The following ELMOD1 variants were observed in gnomAD, a reference collection of about 807,000 sequenced individuals.
The protein encoded by ELMOD1 is ELMO domain containing 1.
ELMOD1 carries 21 observed loss-of-function variants against 46.7 expected under a neutral mutation model. The observed-to-expected ratio is 0.45, with a 90% CI of 0.32 to 0.65. The LOEUF is 0.65. Ranked by LOEUF, ELMOD1 falls within the 30% of genes least tolerant of loss-of-function variation. The pLI is 0.04. For synonymous variants in ELMOD1, 122 were observed against 138.2 expected, an observed-to-expected ratio of 0.88 and a Z score of 0.82; for missense variants, 348 against 407.8, an observed-to-expected ratio of 0.85 and a Z score of 1.26.
At chr11:107,597,774 C>A (rs1865518156) in intron 1 of ELMOD1, among the ~76,000 whole-genome samples, 1 of 152,132 alleles carries the variant, frequency 6.6e-6, no homozygotes, top group African/African-American at 2.4e-5. Context: ...AAAATAGGTG[C>A]ATCTGCTCTG....
chr11:107,635,716 G>C lies in ELMOD1; in HGVS notation c.371G>C (p.Arg124Thr). ...NLIADVEKLR[R>T]EAYDSDNPQH... is the part of the protein sequence containing the mutation. ...ATTGCAGATGTGGAAAAACTGCGTA[G>C]AGAGGCCTATGATTCTGATAATCCC... Residue 124 changes from arginine (R) to threonine (T), a missense_variant, in exon 6 of 12, where the codon AGA (arginine) becomes ACA (threonine). By Grantham distance (71) the Arg-to-Thr change is moderately conservative (BLOSUM62 -1). Transcript: ENST00000265840. 1 of 1,613,920 alleles carries C rather than the reference G, an allele frequency of 6.2e-7. No individual in the cohort carries two copies. Among genetic ancestry groups the C allele is most frequent in the Non-Finnish European group, 8.5e-7 (1 of 1,179,864 alleles).
At chr11:107,637,941 C>T (rs968149145) in intron 6 of ELMOD1, among the ~76,000 whole-genome samples, 1 of 152,110 alleles carries the variant, frequency 6.6e-6, no homozygotes, top group African/African-American at 2.4e-5. Flanking sequence ...CTAGAAACTT[C>T]AGGCTATGTC....
intron 2 of ELMOD1, among the ~76,000 whole-genome samples, chr11:107,630,043 C>T (rs1866108713): frequency 6.6e-6 from 1 of 152,128 alleles, no homozygotes; most frequent in South Asian, 2.1e-4. Flanking sequence ...AAGAGGAGAG[C>T]ATGTTCTTCC....
chr11:107,618,195 G>A lies in ELMOD1; in HGVS notation c.6G>A (p.Lys2=). Residue 2 remains lysine (K), a synonymous_variant, in exon 2 of 12, where the codon AAG becomes AAA. Coordinates refer to ENST00000265840, the MANE Select transcript of ELMOD1 (RefSeq NM_018712.4). ...GGACAGTCAACACGGGCACCATGAA[G>A]CACTTCCTGAGGTATGTGTTTACGG... M[K]HFLRMLIQVC... is the part of the protein sequence containing the mutation. The A allele has an allele frequency of 6.4e-7, 1 of 1,566,822 alleles. No homozygotes were observed. Among genetic ancestry groups the A allele is most frequent in the Non-Finnish European group, 8.7e-7 (1 of 1,154,814 alleles).
chr11:107,594,688 TAGTC>T (rs1330334667), intron 1 of ELMOD1, among the ~76,000 whole-genome samples: 4 of 152,238 alleles, frequency 2.6e-5, no homozygotes, highest in Admixed American at 6.5e-5. Flanking sequence ...TGCCGATCAA[TAGTC>T]AGTTTCTTCT....
At chr11:107,608,189 T>C (rs940550215) in intron 1 of ELMOD1, among the ~76,000 whole-genome samples, 1 of 152,106 alleles carries the variant, frequency 6.6e-6, no homozygotes, top group African/African-American at 2.4e-5. Context: ...TTTCTCCTAC[T>C]GGTGTTATGG....
At chr11:107,646,803 AG>A (rs1227458629) in intron 6 of ELMOD1, among the ~76,000 whole-genome samples, 2 of 152,024 alleles carry the variant, frequency 1.3e-5, no homozygotes, top group Admixed American at 6.5e-5. Flanking sequence ...TGCTGCTAAA[AG>A]TTTTGATATA....
In ELMOD1 at chr11:107,591,154, T is replaced by A. The variant is rs1324849939; in HGVS notation, c.-341T>A. 6.5e-6 allele frequency: 1 copy of A among 152,710 alleles called. No homozygotes were observed. Among genetic ancestry groups the A allele is most frequent in the Non-Finnish European group, 1.4e-5 (1 of 68,978 alleles). The allele number at this position is 152,710 out of a possible 1,614,324, so 9.5% of individuals were successfully genotyped here. A position where few individuals can be genotyped will look rare whatever the true frequency, so the allele number is the denominator to read the frequency against. The stretch of plus-strand genomic sequence containing the variant: ...CCCTCCCCCGCTGCTCTCGGTCGCC[T>A]CCTCGCCGCCAGCCGCCCCGGGTGC... On this transcript the variant is annotated 5_prime_UTR_variant, in exon 1 of 12. Coordinates refer to ENST00000265840, the MANE Select transcript of ELMOD1 (RefSeq NM_018712.4).
At chr11:107,656,979 T>C (rs1288670059) in intron 11 of ELMOD1, among the ~76,000 whole-genome samples, 5 of 152,082 alleles carry the variant, frequency 3.3e-5, no homozygotes, top group Admixed American at 3.3e-4. Flanking sequence ...GCCAGAAAAA[T>C]AGTGGTGAAA....
intron 6 of ELMOD1, among the ~76,000 whole-genome samples, chr11:107,644,804 C>T (rs939240828): frequency 3.9e-5 from 6 of 152,096 alleles, no homozygotes; most frequent in Non-Finnish European, 7.4e-5. Context: ...TGTGCAGGGC[C>T]CTGAGATGAC....
rs1211060655 is a variant in ELMOD1 at position 107,650,911 on chromosome 11, AT to A, written c.647+9del. ...GATATCACTAAAGAAGAAATAAGGT[AT>A]TTTTTCTTTGTTTTTGTGTTTTATT... On this transcript the variant is annotated splice_donor_region_variant and intron_variant, in intron 9 of 11. Transcript: ENST00000265840. The A allele has an allele frequency of 1.8e-6, 2 of 1,121,390 alleles. No homozygotes were observed. Among genetic ancestry groups the A allele is most frequent in the African/African-American group, 3.3e-5 (2 of 60,136 alleles). The allele number at this position is 1,121,390 out of a possible 1,614,324, so 69.5% of individuals were successfully genotyped here.
intron 6 of ELMOD1, among the ~76,000 whole-genome samples, chr11:107,637,493 GA>G (rs1866249181): frequency 6.6e-6 from 1 of 152,130 alleles, no homozygotes; most frequent in South Asian, 2.1e-4. Flanking sequence ...AGGAGTTCAA[GA>G]CCAGCCTGGC....
intron 1 of ELMOD1, chr11:107,592,364 T>A: frequency 1.9e-6 from 1 of 534,422 alleles, no homozygotes; most frequent in Non-Finnish European, 3.8e-6. Context: ...ATTGGTACTA[T>A]CAATTGAGTC....
intron 6 of ELMOD1, among the ~76,000 whole-genome samples, chr11:107,640,637 C>A (rs904768893): frequency 2.6e-5 from 4 of 152,022 alleles, no homozygotes; most frequent in South Asian, 2.1e-4. Flanking sequence ...TTCAAAATAA[C>A]CTTTTTAATG....
At chr11:107,653,045 AT>A (rs1277645885) in intron 9 of ELMOD1, among the ~76,000 whole-genome samples, 1 of 152,130 alleles carries the variant, frequency 6.6e-6, no homozygotes, top group Non-Finnish European at 1.5e-5. Flanking sequence ...ATAAGTGCCC[AT>A]TTTCTCTTCA....
intron 4 of ELMOD1, 42 bp from the exon 5 acceptor site, chr11:107,631,535 CTCT>C (rs1843975460): frequency 1.6e-6 from 2 of 1,261,344 alleles, no homozygotes; most frequent in Non-Finnish European, 2.2e-6. Flanking sequence ...CTGATTAAGC[CTCT>C]GGTGTTAATG....
At chr11:107,610,377 T>G (rs1278647884) in intron 1 of ELMOD1, among the ~76,000 whole-genome samples, 1 of 152,066 alleles carries the variant, frequency 6.6e-6, no homozygotes, top group Non-Finnish European at 1.5e-5. Flanking sequence ...AAATAAAACG[T>G]CAATATCTGG....
intron 2 of ELMOD1, among the ~76,000 whole-genome samples, chr11:107,622,264 C>T (rs1021449966): frequency 6.6e-6 from 1 of 152,080 alleles, no homozygotes; most frequent in Non-Finnish European, 1.5e-5. Flanking sequence ...GTAAACAAGG[C>T]CAAGAAGGCA....
In ELMOD1 at chr11:107,666,014, T is replaced by TAAAA. The variant is rs1305296721; in HGVS notation, c.*818_*821dup. 1.6e-4 allele frequency: 22 copies of TAAAA among 135,124 alleles called. No individual in the cohort carries two copies. In the South Asian group the frequency reaches 1.7e-3, roughly 11 times the overall value. The allele number at this position is 135,124 out of a possible 1,614,324, so 8.4% of individuals were successfully genotyped here. A position where few individuals can be genotyped will look rare whatever the true frequency, so the allele number is the denominator to read the frequency against. On this transcript the variant is annotated 3_prime_UTR_variant, in exon 12 of 12. Coordinates refer to ENST00000265840, the MANE Select transcript of ELMOD1 (RefSeq NM_018712.4). ...ATAAATAAATAAATAAATAAATAAA[T>TAAAA]AAAATAGTACAGACAGACACATGAT...
Sources: gnomAD v4.1 joint callset for allele counts (sites outside exome capture counted in the v4.1 genomes callset) on GRCh38, gnomAD v4.1.1 for gene constraint, MANE v1.5 for transcripts, NCBI Gene and HGNC (gene_info 2026-07-23, HGNC 2026-07-21) for gene names.